Variants in B4GALT5 observed in about 807,000 individuals in gnomAD.
B4GALT5 encodes UDP-Gal:beta-GlcNAc beta-1,4-galactosyltransferase 5.
B4GALT5 carries 11 observed loss-of-function variants against 45.0 expected under a neutral mutation model. That is an observed-to-expected ratio of 0.24 (90% confidence interval 0.15 to 0.40). The LOEUF (loss-of-function observed/expected upper bound fraction) is 0.40, where lower values mean the gene tolerates loss of function less well. Ranked by LOEUF, B4GALT5 falls within the 10% of genes least tolerant of loss-of-function variation. B4GALT5 has a pLI of 1.00. For missense variants in B4GALT5, 337 were observed against 500.2 expected, an observed-to-expected ratio of 0.67 and a Z score of 3.11; for synonymous variants, 185 against 182.9, an observed-to-expected ratio of 1.01 and a Z score of -0.09.
intron 1 of B4GALT5, among the ~76,000 whole-genome samples, chr20:49,701,474 T>C (rs2085861777): frequency 6.6e-6 from 1 of 151,900 alleles, no homozygotes; most frequent in Admixed American, 6.6e-5. Flanking sequence ...TTATAAAGGA[T>C]AACAGAAAAA....
At chr20:49,692,452 G>A (rs2085817973) in intron 1 of B4GALT5, among the ~76,000 whole-genome samples, 1 of 152,168 alleles carries the variant, frequency 6.6e-6, no homozygotes, top group African/African-American at 2.4e-5. Context: ...GGGTGACAGA[G>A]CGAGACCCTG....
At chr20:49,669,552 C>T (rs1176270921) in intron 1 of B4GALT5, among the ~76,000 whole-genome samples, 2 of 151,892 alleles carry the variant, frequency 1.3e-5, no homozygotes, top group Non-Finnish European at 2.9e-5. Flanking sequence ...CAAAATCAGC[C>T]GAGCATGGTG....
chr20:49,698,306 G>C (rs931329207), intron 1 of B4GALT5, among the ~76,000 whole-genome samples: 3 of 151,848 alleles, frequency 2.0e-5, no homozygotes, highest in African/African-American at 4.8e-5. Context: ...CTGGGGGACA[G>C]AGCAAAACTC....
chr20:49,669,757 T>C (rs113605427), intron 1 of B4GALT5, among the ~76,000 whole-genome samples: 2,188 of 151,686 alleles, frequency 0.014, 60 homozygotes, highest in African/African-American at 0.05. Flanking sequence ...CCGGAGGAGT[T>C]GCCTTGCTTT....
At chr20:49,699,741 A>G (rs2085853968) in intron 1 of B4GALT5, among the ~76,000 whole-genome samples, 1 of 152,172 alleles carries the variant, frequency 6.6e-6, no homozygotes, top group Non-Finnish European at 1.5e-5. Context: ...TACCTCCCTC[A>G]CAATCTGCCC....
chr20:49,644,229 C>CT (rs1008945212), intron 3 of B4GALT5, among the ~76,000 whole-genome samples: 82 of 147,460 alleles, frequency 5.6e-4, no homozygotes, highest in Admixed American at 1.9e-3. Flanking sequence ...GCCCAGCCTT[C>CT]TTTTTTTTTT....
intron 1 of B4GALT5, among the ~76,000 whole-genome samples, chr20:49,697,487 T>G (rs1012722109): frequency 6.6e-6 from 1 of 152,202 alleles, no homozygotes; most frequent in Non-Finnish European, 1.5e-5. Context: ...TCACTGGAGC[T>G]GCTAACACTA....
intron 1 of B4GALT5, among the ~76,000 whole-genome samples, chr20:49,678,570 C>T (rs1474051279): frequency 2.0e-5 from 3 of 152,188 alleles, no homozygotes; most frequent in Admixed American, 6.5e-5. Context: ...AAGAAGCCTA[C>T]TAATGCATAA....
In B4GALT5 at chr20:49,633,439, G is replaced by GGTTTTT. The variant is rs1555810429; in HGVS notation, c.*2872_*2873insAAAAAC. 2 of 146,246 alleles carry GGTTTTT rather than the reference G, an allele frequency of 1.4e-5. No individual in the cohort carries two copies. The highest frequency in any genetic ancestry group is 5.1e-5 in the African/African-American group (2 of 39,360). 9.1% of individuals were successfully genotyped at this position (146,246 alleles called of 1,614,324 possible). Reference sequence around the variant, plus strand: ...ATGCACAAGGTCACATTTGGTTCCTGTTTTTTTTTTTAACATGACAATTTC... The same window carrying GGTTTTT: ...ATGCACAAGGTCACATTTGGTTCCTGGTTTTTTTTTTTTTTTTAACATGACAATTTC... On this transcript the variant is annotated 3_prime_UTR_variant, in exon 9 of 9. Transcript: ENST00000371711.
In B4GALT5 at chr20:49,636,197, A is replaced by T; in HGVS notation, c.*115T>A. 7.4e-7 allele frequency: 1 copy of T among 1,342,302 alleles called. No homozygotes were observed. The highest frequency in any genetic ancestry group is 1.0e-6 in the Non-Finnish European group (1 of 971,848). 83.1% of individuals were successfully genotyped at this position (1,342,302 alleles called of 1,614,324 possible). Reference sequence around the variant, plus strand: ...TTCCCCCTGAACTCTGTGATCCTTCATGAGACACAGTATTTCTGTTCTCTT... The same window carrying T: ...TTCCCCCTGAACTCTGTGATCCTTCTTGAGACACAGTATTTCTGTTCTCTT... On this transcript the variant is annotated 3_prime_UTR_variant, in exon 9 of 9. Coordinates refer to ENST00000371711, the MANE Select transcript of B4GALT5 (RefSeq NM_004776.4).
chr20:49,691,024 T>C (rs1419611426), intron 1 of B4GALT5, among the ~76,000 whole-genome samples: 1 of 152,232 alleles, frequency 6.6e-6, no homozygotes, highest in Non-Finnish European at 1.5e-5. Context: ...ATTATGCCTG[T>C]GCTCTGGTCC....
chr20:49,642,453 G>C lies in B4GALT5; in HGVS notation c.606+15C>G. 2 of 1,569,200 alleles carry C rather than the reference G, an allele frequency of 1.3e-6. No individual in the cohort carries two copies. The highest frequency in any genetic ancestry group is 1.1e-5 in the South Asian group (1 of 89,000). ...TCAGAAGAGAAAAAAGAAAGGAAAA[G>C]AAAGGACTACTCACTTGTTCAACCA... On this transcript the variant is annotated intron_variant, in intron 5 of 8. Coordinates refer to ENST00000371711, the MANE Select transcript of B4GALT5 (RefSeq NM_004776.4).
intron 1 of B4GALT5, among the ~76,000 whole-genome samples, chr20:49,704,702 G>A (rs1304786565): frequency 1.3e-5 from 2 of 148,806 alleles, no homozygotes; most frequent in Non-Finnish European, 3.0e-5. Flanking sequence ...CTGGGCGACA[G>A]AGCAAGACTC....
intron 1 of B4GALT5, among the ~76,000 whole-genome samples, chr20:49,671,876 A>C (rs6063419): frequency 0.54 from 81,329 of 151,896 alleles, 21,907 homozygotes; most frequent in South Asian, 0.68. Context: ...ATAATCAATA[A>C]ATTTTTGTAT....
chr20:49,706,436 CAACTT>C lies in B4GALT5; in HGVS notation c.115+7135_115+7139del, dbSNP rs753650509. ...CTCAACTTTGGGCAAGTTAATGACTCAACTTGACTTATATGATCATCTATAAATTG... is the reference window on the plus strand; with the variant it reads ...CTCAACTTTGGGCAAGTTAATGACTCGACTTATATGATCATCTATAAATTG... On this transcript the variant is annotated intron_variant, in intron 1 of 8. Transcript: ENST00000371711. 4.3e-4 allele frequency among the ~76,000 whole-genome samples: 65 copies of C among 152,254 alleles called. 1 individual carries two copies. In the Middle Eastern group the frequency reaches 0.01, roughly 24 times the overall value.
intron 1 of B4GALT5, among the ~76,000 whole-genome samples, chr20:49,667,823 G>GT (rs1454178531): frequency 2.0e-5 from 3 of 152,174 alleles, no homozygotes; most frequent in Non-Finnish European, 4.4e-5. Flanking sequence ...AATTTTATAA[G>GT]TTTGAAGCTC....
intron 7 of B4GALT5, among the ~76,000 whole-genome samples, chr20:49,637,782 A>AAAAAAAATTAGCCAGGG (rs2085560361): frequency 6.6e-6 from 1 of 151,782 alleles, no homozygotes; most frequent in Admixed American, 6.6e-5. Flanking sequence ...TAAAAAAAAA[A>AAAAAAAATTAGCCAGGG]AAAAAAATTA....
Position 49,642,454 on chromosome 20 carries a change from A to G in B4GALT5, c.606+14T>C. The G allele has an allele frequency of 6.4e-7, 1 of 1,571,130 alleles. No individual in the cohort carries two copies. The highest frequency in any genetic ancestry group is 8.7e-7 in the Non-Finnish European group (1 of 1,145,348). Reference sequence around the variant, plus strand: ...CAGAAGAGAAAAAAGAAAGGAAAAGAAAGGACTACTCACTTGTTCAACCAC... The same window carrying G: ...CAGAAGAGAAAAAAGAAAGGAAAAGGAAGGACTACTCACTTGTTCAACCAC... On this transcript the variant is annotated intron_variant, in intron 5 of 8. Coordinates refer to ENST00000371711, the MANE Select transcript of B4GALT5 (RefSeq NM_004776.4).
At chr20:49,640,808 T>A in intron 5 of B4GALT5, 143 bp from the exon 6 acceptor site, 1 of 817,950 alleles carries the variant, frequency 1.2e-6, no homozygotes, top group Non-Finnish European at 1.8e-6. Flanking sequence ...ACAAATCAAC[T>A]CACAGTGTGG....
Sources: gnomAD v4.1 joint callset for allele counts (sites outside exome capture counted in the v4.1 genomes callset) on GRCh38, gnomAD v4.1.1 for gene constraint, MANE v1.5 for transcripts, NCBI Gene and HGNC (gene_info 2026-07-23, HGNC 2026-07-21) for gene names.